Variants in GALNT1 observed in about 807,000 individuals in gnomAD.
GALNT1 encodes polypeptide N-acetylgalactosaminyltransferase 1.
In GALNT1, 17 loss-of-function variants were observed where a neutral mutation model predicts 65.7. The observed-to-expected ratio is 0.26, with a 90% CI of 0.18 to 0.39. GALNT1 has a LOEUF of 0.39. GALNT1 is among the 10% of genes least tolerant of loss of function. The pLI is 1.00. For missense variants in GALNT1, 460 were observed against 672.8 expected (o/e 0.68, Z 3.50); for synonymous variants, 210 against 219.7 (o/e 0.96, Z 0.39).
intron 1 of GALNT1, among the ~76,000 whole-genome samples, chr18:35,608,135 T>A (rs562438007): frequency 1.3e-5 from 2 of 152,232 alleles, no homozygotes; most frequent in Admixed American, 6.5e-5. Context: ...ATTTTAAAAT[T>A]TTTCTCAGTA....
intron 1 of GALNT1, among the ~76,000 whole-genome samples, chr18:35,591,205 G>A (rs897169713): frequency 2.0e-5 from 3 of 152,212 alleles, no homozygotes; most frequent in Admixed American, 6.5e-5. Flanking sequence ...TGGAGAGAAA[G>A]GACCTTTGTG....
rs550474577 is a variant in GALNT1 at position 35,586,259 on chromosome 18, A to C, written c.-104+4397A>C. 4.6e-5 allele frequency among the ~76,000 whole-genome samples: 7 copies of C among 152,212 alleles called. No homozygotes were observed. In the South Asian group the frequency reaches 1.2e-3, roughly 27 times the overall value. ...AACTGTATATTTTCTTCAGGGAACTATCTTTTGTTCATTTTCTAATGGGAT... is the reference window on the plus strand; with the variant it reads ...AACTGTATATTTTCTTCAGGGAACTCTCTTTTGTTCATTTTCTAATGGGAT... On this transcript the variant is annotated intron_variant, in intron 1 of 11. Transcript: ENST00000269195.
intron 8 of GALNT1, among the ~76,000 whole-genome samples, chr18:35,691,562 A>G (rs2047963317): frequency 1.3e-5 from 2 of 152,182 alleles, no homozygotes; most frequent in Admixed American, 1.3e-4. Flanking sequence ...TTTTCATTCA[A>G]CATAACAAAA....
intron 4 of GALNT1, among the ~76,000 whole-genome samples, chr18:35,680,881 G>A (rs1335492747): frequency 2.6e-5 from 4 of 152,104 alleles, no homozygotes; most frequent in Non-Finnish European, 4.4e-5. Context: ...GAATTTGGAC[G>A]AATCCCTAGT....
intron 2 of GALNT1, among the ~76,000 whole-genome samples, chr18:35,658,351 C>T (rs575025532): frequency 5.3e-4 from 80 of 152,052 alleles, no homozygotes; most frequent in African/African-American, 1.6e-3. Context: ...GACCTCCAAG[C>T]GTGAGGGAAG....
chr18:35,660,241 A>G (rs1005808560), intron 2 of GALNT1, among the ~76,000 whole-genome samples: 3 of 75,130 alleles, frequency 4.0e-5, no homozygotes, highest in Non-Finnish European at 5.7e-5. Flanking sequence ...ACTTTAGTCT[A>G]CTTTCCTGAG....
intron 3 of GALNT1, among the ~76,000 whole-genome samples, chr18:35,665,049 A>G (rs1008856528): frequency 3.1e-4 from 47 of 152,250 alleles, no homozygotes; most frequent in African/African-American, 2.4e-5. Context: ...ACTCATAGTC[A>G]TTGAGTCCTA....
intron 3 of GALNT1, among the ~76,000 whole-genome samples, chr18:35,677,375 A>G (rs879826708): frequency 3.9e-5 from 6 of 152,226 alleles, no homozygotes; most frequent in Non-Finnish European, 5.9e-5. Flanking sequence ...AAGAATATAA[A>G]TGACATCTTT....
upstream of GALNT1, chr18:35,581,120 G>T (rs2046306233): frequency 6.6e-6 from 1 of 152,082 alleles, no homozygotes; most frequent in South Asian, 2.1e-4. Context: ...CAGCCGACCG[G>T]GTTGGGGCGG....
Position 35,654,564 on chromosome 18 carries a change from T to A in GALNT1, c.-99T>A. On this transcript the variant is annotated 5_prime_UTR_variant, in exon 2 of 12. It removes an upstream start codon present in the reference 5' UTR. Transcript: ENST00000269195. Reference sequence around the variant, plus strand: ...TTTTCCTTTCTTTCTCTATAGGGTATGAACGTGATTTCTGATGAAACTGGA... The same window carrying A: ...TTTTCCTTTCTTTCTCTATAGGGTAAGAACGTGATTTCTGATGAAACTGGA... The A allele has an allele frequency of 1.8e-6, 1 of 556,894 alleles. No homozygotes were observed. Among genetic ancestry groups the A allele is most frequent in the Non-Finnish European group, 2.6e-6 (1 of 385,218 alleles). The allele number at this position is 556,894 out of a possible 1,614,324, so 34.5% of individuals were successfully genotyped here. A position where few individuals can be genotyped will look rare whatever the true frequency, so the allele number is the denominator to read the frequency against.
At chr18:35,655,276 C>T (rs1430568134) in intron 2 of GALNT1, among the ~76,000 whole-genome samples, 1 of 150,810 alleles carries the variant, frequency 6.6e-6, no homozygotes, top group Non-Finnish European at 1.5e-5. Flanking sequence ...TTTTAGATAG[C>T]TGCAGTTAGC....
At chr18:35,584,117 C>G (rs539417836) in intron 1 of GALNT1, among the ~76,000 whole-genome samples, 1 of 152,262 alleles carries the variant, frequency 6.6e-6, no homozygotes, top group South Asian at 2.1e-4. Context: ...TAGTTTCTGT[C>G]TTGTCTGGTT....
At chr18:35,682,228 C>T (rs1011094654) in intron 4 of GALNT1, among the ~76,000 whole-genome samples, 5 of 151,758 alleles carry the variant, frequency 3.3e-5, no homozygotes, top group African/African-American at 1.2e-4. Flanking sequence ...TGTAGTGGGA[C>T]ACATAGGCCT....
chr18:35,582,609 A>G (rs2046336036), intron 1 of GALNT1, among the ~76,000 whole-genome samples: 3 of 152,212 alleles, frequency 2.0e-5, no homozygotes, highest in Admixed American at 6.5e-5. Context: ...TCAAGTGGGC[A>G]ATAGGCAAAG....
At chr18:35,663,870 A>C in intron 3 of GALNT1, 68 bp downstream of exon 3, 1 of 1,453,590 alleles carries the variant, frequency 6.9e-7, no homozygotes, top group Non-Finnish European at 9.5e-7. Context: ...AGTAAATTGC[A>C]CTTGAGTGCT....
intron 9 of GALNT1, 105 bp from the exon 10 acceptor site, chr18:35,702,792 G>C (rs1274018865): frequency 1.5e-6 from 1 of 652,422 alleles, no homozygotes; most frequent in Admixed American, 3.0e-5. Context: ...TTTCAGAGTA[G>C]GGCCAGGGAA....
intron 1 of GALNT1, among the ~76,000 whole-genome samples, chr18:35,626,622 A>C (rs1219052026): frequency 1.1e-4 from 16 of 152,296 alleles, no homozygotes; most frequent in African/African-American, 3.8e-4. Flanking sequence ...TGAGGGCTTT[A>C]TCATCTTGCA....
chr18:35,657,653 A>T (rs1330549455), intron 2 of GALNT1, among the ~76,000 whole-genome samples: 1 of 152,106 alleles, frequency 6.6e-6, no homozygotes, highest in Non-Finnish European at 1.5e-5. Flanking sequence ...CAAGGGTGGC[A>T]TTTGCTCAGA....
At chr18:35,653,862 A>G (rs1260489184) in intron 1 of GALNT1, among the ~76,000 whole-genome samples, 2 of 152,238 alleles carry the variant, frequency 1.3e-5, no homozygotes, top group Non-Finnish European at 2.9e-5. Context: ...AGCCAAGACT[A>G]AATGTCAGAT....
Sources: gnomAD v4.1 joint callset for allele counts (sites outside exome capture counted in the v4.1 genomes callset) on GRCh38, gnomAD v4.1.1 for gene constraint, MANE v1.5 for transcripts, NCBI Gene and HGNC (gene_info 2026-07-23, HGNC 2026-07-21) for gene names.